Variants in CEP63 observed in about 807,000 individuals in gnomAD.
The protein encoded by CEP63 is centrosomal protein 63, also known as centrosomal protein of 63 kDa.
Under a neutral mutation model 89.1 loss-of-function variants are expected in CEP63, and 84 were observed. The ratio of observed to expected loss-of-function variants is 0.94; its 90% CI spans 0.79 to 1.13. The LOEUF (loss-of-function observed/expected upper bound fraction) is 1.13. Ranked by LOEUF, CEP63 falls within the 50% of genes most tolerant of loss-of-function variation. The probability of loss-of-function intolerance (pLI) is 0.00; values close to 1 mark genes in which losing one functional copy is unlikely to be tolerated. For missense variants in CEP63, 838 were observed against 813.3 expected (o/e 1.03, Z -0.37); for synonymous variants, 267 against 272.5 (o/e 0.98, Z 0.20).
the CEP63 span, among the ~76,000 whole-genome samples, chr3:134,772,749 A>C: frequency 6.6e-6 from 1 of 152,092 alleles, no homozygotes; most frequent in African/African-American, 2.4e-5. Flanking sequence ...TCAGGCTTGC[A>C]GGACAAGCCT....
In CEP63 at chr3:134,547,460, G is replaced by C. The variant is rs1953673186; in HGVS notation, c.1055G>C (p.Cys352Ser). The C allele has an allele frequency of 1.2e-6, 2 of 1,613,682 alleles. No homozygotes were observed. Among genetic ancestry groups the C allele is most frequent in the Non-Finnish European group, 1.7e-6 (2 of 1,179,756 alleles). The stretch of plus-strand genomic sequence containing the variant: ...GACCTTCTGCAGGCAGAGGTGACTT[G>C]TCTTGAAGGCAGGTACATAATTATA... Reference protein sequence around the residue: ...SEDLLQAEVTCLEGSLESVSA... With the variant: ...SEDLLQAEVTSLEGSLESVSA... The change falls in exon 9 of 15, where the codon TGT becomes TCT. Residue 352 changes from cysteine to serine, a missense_variant. Transcript: ENST00000675561.
the CEP63 span, among the ~76,000 whole-genome samples, chr3:134,685,064 C>T: frequency 6.6e-6 from 1 of 152,064 alleles, no homozygotes; most frequent in African/African-American, 2.4e-5. Flanking sequence ...TTCATATGTT[C>T]TAACATAAAT....
intron 3 of CEP63, among the ~76,000 whole-genome samples, chr3:134,511,654 C>T (rs1944974225): frequency 6.6e-6 from 1 of 152,126 alleles, no homozygotes; most frequent in Admixed American, 6.5e-5. Context: ...CCTCAGGAAA[C>T]TTAATCATGG....
At chr3:134,591,194 G>A (rs1246796593), downstream of CEP63, among the ~76,000 whole-genome samples, 1 of 152,184 alleles carries the variant, frequency 6.6e-6, no homozygotes, top group Non-Finnish European at 1.5e-5. Flanking sequence ...GCAGAATGTT[G>A]AAGGTATGTC....
intron 3 of CEP63, among the ~76,000 whole-genome samples, chr3:134,507,764 G>A (rs1228104148): frequency 6.6e-6 from 1 of 151,952 alleles, no homozygotes; most frequent in Admixed American, 6.6e-5. Flanking sequence ...TAGAGGAGAA[G>A]AAAGAAAAGA....
downstream of CEP63, among the ~76,000 whole-genome samples, chr3:134,565,299 GT>G (rs2110240473): frequency 6.6e-6 from 1 of 152,262 alleles, no homozygotes; most frequent in African/African-American, 2.4e-5. Context: ...CTCAACAAGT[GT>G]AGAAAAAATA....
chr3:134,607,393 T>C, the CEP63 span: 1 of 985,602 alleles, frequency 1.0e-6, no homozygotes, highest in Non-Finnish European at 1.2e-6. Flanking sequence ...CAATGTGGGT[T>C]GGAGCTCCCC....
the CEP63 span, among the ~76,000 whole-genome samples, chr3:134,716,126 A>C: frequency 6.6e-6 from 1 of 152,184 alleles, no homozygotes; most frequent in Non-Finnish European, 1.5e-5. Context: ...TCTGGGTGGC[A>C]ATACTCTCAT....
the CEP63 span, among the ~76,000 whole-genome samples, chr3:134,670,568 T>G: frequency 6.6e-6 from 1 of 152,230 alleles, no homozygotes; most frequent in South Asian, 2.1e-4. Context: ...AACTCTCACA[T>G]TAGCAGGACA....
chr3:134,578,901 C>T (rs1197977262), downstream of CEP63, among the ~76,000 whole-genome samples: 8 of 152,108 alleles, frequency 5.3e-5, 1 homozygote, highest in Admixed American at 3.9e-4. Context: ...TGTGGAGAAG[C>T]CCTTTAGTTT....
intron 12 of CEP63, among the ~76,000 whole-genome samples, chr3:134,556,577 C>T (rs1956230356): frequency 6.6e-6 from 1 of 152,080 alleles, no homozygotes. Flanking sequence ...TCTGTAAAGG[C>T]TTAGGATTCA....
chr3:134,508,369 G>A (rs532231165), intron 3 of CEP63, among the ~76,000 whole-genome samples: 1 of 152,244 alleles, frequency 6.6e-6, no homozygotes, highest in Non-Finnish European at 1.5e-5. Context: ...CACACCATGC[G>A]AAAATACAGA....
At chr3:134,558,496 T>G (rs1956712223) in intron 13 of CEP63, 149 bp downstream of exon 13, 2 of 680,876 alleles carry the variant, frequency 2.9e-6, no homozygotes. Context: ...AGTAAAGCTA[T>G]GATCATGTTA....
chr3:134,618,136 T>C, the CEP63 span, among the ~76,000 whole-genome samples: 1 of 152,086 alleles, frequency 6.6e-6, no homozygotes, highest in Admixed American at 6.5e-5. Context: ...AGCAGGAGGC[T>C]TAGAGTAACT....
chr3:134,702,800 C>G, the CEP63 span, among the ~76,000 whole-genome samples: 1 of 151,922 alleles, frequency 6.6e-6, no homozygotes, highest in Non-Finnish European at 1.5e-5. Context: ...TGGCCATTAT[C>G]AAAAAGTCAA....
chr3:134,593,896 A>G, the CEP63 span, among the ~76,000 whole-genome samples: 3 of 152,300 alleles, frequency 2.0e-5, no homozygotes, highest in African/African-American at 7.2e-5. Context: ...GAGATGGAGA[A>G]GGGGATCTGA....
chr3:134,603,783 A>G, the CEP63 span: 20 of 1,613,288 alleles, frequency 1.2e-5, no homozygotes, highest in East Asian at 6.7e-5. Context: ...TGAATGGGAC[A>G]TTCCGGTTGG....
chr3:134,620,170 C>G, the CEP63 span, among the ~76,000 whole-genome samples: 1 of 152,142 alleles, frequency 6.6e-6, no homozygotes, highest in Non-Finnish European at 1.5e-5. Context: ...TCTGCTTGAC[C>G]CGGGAGCTTC....
At chr3:134,680,830 A>C in the CEP63 span, among the ~76,000 whole-genome samples, 1 of 152,232 alleles carries the variant, frequency 6.6e-6, no homozygotes, top group Non-Finnish European at 1.5e-5. Flanking sequence ...CAGTTTTACA[A>C]GGACTTCAAC....
Sources: allele counts gnomAD v4.1 joint callset (sites outside exome capture counted in the v4.1 genomes callset), GRCh38; gene constraint gnomAD v4.1.1; transcripts MANE v1.5; gene names NCBI Gene and HGNC (gene_info 2026-07-23, HGNC 2026-07-21).